Variants in FERMT3 observed in about 807,000 individuals in gnomAD.
FERMT3 encodes fermitin family homolog 3.
In FERMT3, 33 loss-of-function variants were observed where a neutral mutation model predicts 80.8. The ratio of observed to expected loss-of-function variants is 0.41; its 90% CI spans 0.31 to 0.55. The LOEUF (loss-of-function observed/expected upper bound fraction) is 0.55. Ranked by LOEUF, FERMT3 falls within the 20% of genes least tolerant of loss-of-function variation. The pLI is 0.31. For missense variants in FERMT3, 754 were observed against 908.7 expected, an observed-to-expected ratio of 0.83 and a Z score of 2.19; for synonymous variants, 375 against 372.2, an observed-to-expected ratio of 1.01 and a Z score of -0.09.
intron 12 of FERMT3, 98 bp downstream of exon 12, chr11:64,220,767 T>TCCCTTCA: frequency 7.7e-7 from 1 of 1,301,434 alleles, no homozygotes; most frequent in Middle Eastern, 1.9e-4. Flanking sequence ...AGCTACGTAC[T>TCCCTTCA]CACTGGGCTT....
intron 6 of FERMT3, among the ~76,000 whole-genome samples, chr11:64,215,290 G>T (rs1414003346): frequency 6.6e-6 from 1 of 152,180 alleles, no homozygotes; most frequent in Admixed American, 6.5e-5. Flanking sequence ...TTTCCCTGAT[G>T]ACTAATAAAG....
intron 6 of FERMT3, among the ~76,000 whole-genome samples, chr11:64,212,614 A>G (rs1946467439): frequency 6.6e-6 from 1 of 151,788 alleles, no homozygotes; most frequent in South Asian, 2.1e-4. Flanking sequence ...ACTCCTCCAG[A>G]ATATCTTCCT....
chr11:64,215,200 G>A (rs2134862735), intron 6 of FERMT3, among the ~76,000 whole-genome samples: 1 of 152,258 alleles, frequency 6.6e-6, no homozygotes, highest in Non-Finnish European at 1.5e-5. Flanking sequence ...AGCACTGATT[G>A]CACGATGCCC....
chr11:64,220,765 A>G, intron 12 of FERMT3, 96 bp downstream of exon 12: 1 of 1,314,552 alleles, frequency 7.6e-7, no homozygotes, highest in East Asian at 2.5e-5. Context: ...AAAGCTACGT[A>G]CTCACTGGGC....
rs1247853574 is a variant in FERMT3, at chr11:64,223,135, G to C, written c.1758G>C (p.Lys586Asn). The change falls in exon 14 of 15, where the codon AAG becomes AAC. Residue 586 changes from lysine (K) to asparagine (N), a missense_variant. By Grantham distance (94) the Lys-to-Asn change is moderately conservative. Coordinates refer to ENST00000345728, the MANE Select transcript of FERMT3 (RefSeq NM_031471.6). Reference sequence around the variant, plus strand: ...ACTTGGCCGTGGGCGACGTGGTCAAGACCTGGCGTTTCAGCAACATGCGCC... The same window carrying C: ...ACTTGGCCGTGGGCGACGTGGTCAACACCTGGCGTTTCAGCAACATGCGCC... The part of the protein sequence containing the change: ...RIDLAVGDVV[K>N]TWRFSNMRQW... The C allele has an allele frequency of 1.9e-6, 3 of 1,613,860 alleles. No homozygotes were observed. In the African/African-American group the frequency reaches 4.0e-5, roughly 22 times the overall value.
chr11:64,216,521 G>A (rs1397725051), intron 6 of FERMT3, among the ~76,000 whole-genome samples: 1 of 145,664 alleles, frequency 6.9e-6, no homozygotes, highest in African/African-American at 2.5e-5. Flanking sequence ...TTTTCGCCGG[G>A]CGCGGTGGCT....
chr11:64,222,586 G>T (rs916973815), intron 13 of FERMT3, among the ~76,000 whole-genome samples: 1 of 138,710 alleles, frequency 7.2e-6, no homozygotes, highest in Non-Finnish European at 1.5e-5. Flanking sequence ...AAAAAAAAAA[G>T]AGATTTCAGG....
In FERMT3 at chr11:64,211,428, C is replaced by T; in HGVS notation, c.668C>T (p.Thr223Ile). The change falls in exon 5 of 15, where the codon ACC (threonine) becomes ATC (isoleucine). Residue 223 changes from threonine to isoleucine, a missense_variant. Physicochemically the swap from Thr to Ile is moderately conservative, Grantham distance 89. Transcript: ENST00000345728. The surrounding 1 kb of genome is among the most constrained non-coding windows in gnomAD (Gnocchi z 4.7). ...LPRPSSLSDK[T>I]QLHSRWLDSS... ...CGGCCCAGCTCCCTGTCAGACAAGA[C>T]CCAGCTCCACAGCAGGTGCACCCAG... 6.3e-7 allele frequency: 1 copy of T among 1,595,598 alleles called. No individual in the cohort carries two copies. The highest frequency in any genetic ancestry group is 8.5e-7 in the Non-Finnish European group (1 of 1,173,594).
At position 64,210,958 on chromosome 11, in the gene FERMT3, G is replaced by A. The variant is rs548353138; in HGVS notation, c.395-94G>A. On this transcript the variant is annotated intron_variant, in intron 3 of 14. Coordinates refer to ENST00000345728, the MANE Select transcript of FERMT3 (RefSeq NM_031471.6). The surrounding 1 kb of genome is among the most constrained non-coding windows in gnomAD (Gnocchi z 4.3). The stretch of plus-strand genomic sequence containing the variant: ...TCCTTGCTGTCTGGGTTGCCACCCT[G>A]CCTGCAGGGCTGTGACCCGCCCCAA... 6 of 1,606,802 alleles carry A rather than the reference G, an allele frequency of 3.7e-6. No homozygotes were observed. In the African/African-American group the frequency reaches 4.0e-5, roughly 11 times the overall value.
chr11:64,208,867 C>T (rs1186404295), intron 2 of FERMT3, among the ~76,000 whole-genome samples: 2 of 152,136 alleles, frequency 1.3e-5, no homozygotes, highest in Non-Finnish European at 2.9e-5. Flanking sequence ...GGGGTCTAGA[C>T]TTTCTTCTGG....
At chr11:64,222,404 A>G (rs12283842) in intron 13 of FERMT3, among the ~76,000 whole-genome samples, 17,281 of 151,494 alleles carry the variant, frequency 0.11, 2,808 homozygotes, top group African/African-American at 0.36. Context: ...GTCTCTACTA[A>G]AAACACAAAA....
rs750515226 is a variant in FERMT3, at chr11:64,211,660, G to A, written c.699G>A (p.Ser233=). ...CGCGGCCCAGGTGGCTGGACTCGTCGCGGTGTCTCATGCAGCAGGGCATCA... is the reference window on the plus strand; with the variant it reads ...CGCGGCCCAGGTGGCTGGACTCGTCACGGTGTCTCATGCAGCAGGGCATCA... The part of the protein sequence containing the change: ...TQLHSRWLDS[S]RCLMQQGIKA... Residue 233 remains serine, a synonymous_variant, in exon 6 of 15, where the codon TCG becomes TCA. Coordinates refer to ENST00000345728, the MANE Select transcript of FERMT3 (RefSeq NM_031471.6). The surrounding 1 kb of genome is among the most constrained non-coding windows in gnomAD (Gnocchi z 4.7). 2.5e-6 allele frequency: 4 copies of A among 1,613,962 alleles called. No homozygotes were observed. The highest frequency in any genetic ancestry group is 3.4e-6 in the Non-Finnish European group (4 of 1,180,034).
intron 6 of FERMT3, among the ~76,000 whole-genome samples, chr11:64,215,914 C>T (rs1359056593): frequency 1.3e-5 from 2 of 151,754 alleles, no homozygotes; most frequent in African/African-American, 4.8e-5. Context: ...TTACTGCAAC[C>T]TCCGCCTCCC....
Position 64,211,314 on chromosome 11 carries a change from T to A in FERMT3, c.554T>A (p.Phe185Tyr). The change falls in exon 5 of 15, where the codon TTC becomes TAC. Residue 185 changes from phenylalanine to tyrosine, a missense_variant. Physicochemically the swap from Phe to Tyr is conservative, Grantham distance 22. Transcript: ENST00000345728. The surrounding 1 kb of genome is among the most constrained non-coding windows in gnomAD (Gnocchi z 4.7). ...CTGTTCCGGGGGATGCCAGCTCACTTCTCGGACAGCGCCCAGACTGAGGCC... is the reference window on the plus strand; with the variant it reads ...CTGTTCCGGGGGATGCCAGCTCACTACTCGGACAGCGCCCAGACTGAGGCC... ...PALFRGMPAH[F>Y]SDSAQTEACY... The A allele has an allele frequency of 6.2e-7, 1 of 1,613,220 alleles. No homozygotes were observed. Among genetic ancestry groups the A allele is most frequent in the Non-Finnish European group, 8.5e-7 (1 of 1,179,824 alleles).
chr11:64,210,060 G>A lies in FERMT3; in HGVS notation c.161-551G>A, dbSNP rs965157232. Among the ~76,000 whole-genome samples the A allele has an allele frequency of 2.6e-5, 4 of 152,192 alleles. No individual in the cohort carries two copies. Among genetic ancestry groups the A allele is most frequent in the African/African-American group, 9.7e-5 (4 of 41,444 alleles). On this transcript the variant is annotated intron_variant, in intron 2 of 14. Coordinates refer to ENST00000345728, the MANE Select transcript of FERMT3 (RefSeq NM_031471.6). This position sits in a 1 kb window ranked among gnomAD's most constrained non-coding sequence, Gnocchi z 4.3. ...GAGGCCTTGTTCCGTGTCCCAGTTT[G>A]TAAGATCGTTATTGTATCTTACAGG...
At chr11:64,223,273 C>T (rs1326344623) in intron 14 of FERMT3, 40 bp from the exon 15 acceptor site, 2 of 1,613,100 alleles carry the variant, frequency 1.2e-6, no homozygotes, top group African/African-American at 1.3e-5. Context: ...GGGCTGCTCC[C>T]TTATCCCACC....
chr11:64,213,599 C>T (rs1039289014), intron 6 of FERMT3, among the ~76,000 whole-genome samples: 2 of 143,978 alleles, frequency 1.4e-5, no homozygotes, highest in Non-Finnish European at 3.0e-5. Flanking sequence ...CTCTTGTTGC[C>T]CAGGCTGGAG....
At chr11:64,222,259 A>ATAAAT (rs1555048999) in intron 13 of FERMT3, among the ~76,000 whole-genome samples, 1 of 148,638 alleles carries the variant, frequency 6.7e-6, no homozygotes, top group Non-Finnish European at 1.5e-5. Context: ...AAATAAATAA[A>ATAAAT]TAAATAAATA....
chr11:64,220,681 C>A lies in FERMT3; in HGVS notation c.1545+12C>A, dbSNP rs748289124. The stretch of plus-strand genomic sequence containing the variant: ...TCAAGGCCAAGCAGGTACCAGAAGG[C>A]GTCAGGGTGGGAATGAGCATAGTGT... On this transcript the variant is annotated intron_variant, in intron 12 of 14. Coordinates refer to ENST00000345728, the MANE Select transcript of FERMT3 (RefSeq NM_031471.6). 3 of 1,602,094 alleles carry A rather than the reference C, an allele frequency of 1.9e-6. No homozygotes were observed. Among genetic ancestry groups the A allele is most frequent in the South Asian group, 2.2e-5 (2 of 89,842 alleles).
Sources: gnomAD v4.1 joint callset for allele counts (sites outside exome capture counted in the v4.1 genomes callset) on GRCh38, gnomAD v4.1.1 for gene constraint, Gnocchi (gnomAD v3.1) non-coding constraint, MANE v1.5 for transcripts, NCBI Gene and HGNC (gene_info 2026-07-23, HGNC 2026-07-21) for gene names.